The following SRRM4 variants were observed in gnomAD, a reference collection of about 807,000 sequenced individuals.
SRRM4 encodes serine/arginine repetitive matrix 4.
A neutral mutation model predicts 68.9 loss-of-function variants in SRRM4; 33 were observed. The ratio of observed to expected loss-of-function variants is 0.48; its 90% CI spans 0.36 to 0.64. SRRM4 has a LOEUF of 0.64. Among genes scored for constraint, SRRM4 ranks in the 30% least tolerant of loss-of-function variants. The probability of loss-of-function intolerance (pLI) is 0.00; values close to 1 mark genes in which losing one functional copy is unlikely to be tolerated. For synonymous variants in SRRM4, 318 were observed against 318.8 expected (o/e 1.00, Z 0.03); for missense variants, 817 against 827.1 (o/e 0.99, Z 0.15).
At chr12:119,003,597 A>G (rs1953398926) in intron 1 of SRRM4, among the ~76,000 whole-genome samples, 1 of 151,946 alleles carries the variant, frequency 6.6e-6, no homozygotes, top group Non-Finnish European at 1.5e-5. Flanking sequence ...AGAGATAACT[A>G]CACATGGCTA....
chr12:118,985,716 T>C (rs1447875802), intron 1 of SRRM4, among the ~76,000 whole-genome samples: 2 of 152,226 alleles, frequency 1.3e-5, no homozygotes, highest in Non-Finnish European at 2.9e-5. Context: ...TTAATTCTCT[T>C]TTTTAATTGC....
chr12:119,069,292 C>G (rs920965419), intron 1 of SRRM4, among the ~76,000 whole-genome samples: 1 of 152,152 alleles, frequency 6.6e-6, no homozygotes, highest in African/African-American at 2.4e-5. Context: ...GGAGTCCACC[C>G]CTCCTTCACG....
At chr12:118,985,905 A>T (rs1048508661) in intron 1 of SRRM4, among the ~76,000 whole-genome samples, 1 of 152,230 alleles carries the variant, frequency 6.6e-6, no homozygotes, top group African/African-American at 2.4e-5. Flanking sequence ...TGGATGCATG[A>T]GTGTTAGTAA....
chr12:119,021,713 G>A (rs986586659), intron 1 of SRRM4, among the ~76,000 whole-genome samples: 1 of 152,188 alleles, frequency 6.6e-6, no homozygotes, highest in Non-Finnish European at 1.5e-5. Context: ...TGCTTGCTGA[G>A]GATGAGGCTT....
At chr12:119,044,112 A>ACC (rs1565896204) in intron 1 of SRRM4, among the ~76,000 whole-genome samples, 1 of 152,042 alleles carries the variant, frequency 6.6e-6, no homozygotes, top group East Asian at 1.9e-4. Context: ...GGTAATCCAC[A>ACC]CGCCTCGGCC....
chr12:119,096,169 C>T (rs1404012809), intron 1 of SRRM4, among the ~76,000 whole-genome samples: 2 of 148,574 alleles, frequency 1.3e-5, no homozygotes, highest in African/African-American at 2.5e-5. Flanking sequence ...TACAGGTGCC[C>T]GCCACCACGC....
In SRRM4 at chr12:119,057,162, GA is replaced by G. The variant is rs1233861803; in HGVS notation, c.132-45071del. ...TTCTTTCTTTTTTAAATTAGGTGAAGAAAGAAATAGTTGGGTTTTTTTCTTC... is the reference window on the plus strand; with the variant it reads ...TTCTTTCTTTTTTAAATTAGGTGAAGAAGAAATAGTTGGGTTTTTTTCTTC... On this transcript the variant is annotated intron_variant, in intron 1 of 12. Coordinates refer to ENST00000267260, the MANE Select transcript of SRRM4 (RefSeq NM_194286.4). Among the ~76,000 whole-genome samples, 7 of 152,264 alleles carry G rather than the reference GA, an allele frequency of 4.6e-5. No homozygotes were observed. In the South Asian group the frequency reaches 1.5e-3, roughly 32 times the overall value.
intron 2 of SRRM4, among the ~76,000 whole-genome samples, chr12:119,113,820 A>C (rs913594227): frequency 6.6e-6 from 1 of 152,180 alleles, no homozygotes; most frequent in Non-Finnish European, 1.5e-5. Flanking sequence ...ATCTCGTTAC[A>C]TTAGACCTTG....
chr12:119,097,907 A>G (rs1023431622), intron 1 of SRRM4, among the ~76,000 whole-genome samples: 1 of 152,222 alleles, frequency 6.6e-6, no homozygotes, highest in Admixed American at 6.5e-5. Flanking sequence ...TCAATGCTAA[A>G]TTCCTCACAG....
chr12:119,138,493 C>A lies in SRRM4; in HGVS notation c.772-6888C>A, dbSNP rs564442237. 5.3e-4 allele frequency among the ~76,000 whole-genome samples: 80 copies of A among 152,276 alleles called. 1 individual carries two copies. The highest frequency in any genetic ancestry group is 1.9e-3 in the African/African-American group (80 of 41,532). On this transcript the variant is annotated intron_variant, in intron 8 of 12. Transcript: ENST00000267260. The stretch of plus-strand genomic sequence containing the variant: ...GTCTGGACATACTAGAGAATTGATG[C>A]TCCAGTGTTCAGCCTTGAGTGATGG...
chr12:119,162,379 A>T lies in SRRM4; in HGVS notation c.*5581A>T, dbSNP rs762720355. 5.9e-5 allele frequency: 9 copies of T among 152,212 alleles called. No individual in the cohort carries two copies. Among genetic ancestry groups the T allele is most frequent in the Admixed American group, 2.0e-4 (3 of 15,280 alleles). 9.4% of individuals were successfully genotyped at this position (152,212 alleles called of 1,614,324 possible). A position where few individuals can be genotyped will look rare whatever the true frequency, so the allele number is the denominator to read the frequency against. On this transcript the variant is annotated 3_prime_UTR_variant, in exon 13 of 13. Coordinates refer to ENST00000267260, the MANE Select transcript of SRRM4 (RefSeq NM_194286.4). ...TCTCTAAGCCCCGTGGTCCAAAGTC[A>T]TCACGGGAGAGACCAAGATGGGCTT...
chr12:119,130,940 AC>A, intron 8 of SRRM4, 106 bp downstream of exon 8: 1 of 1,180,506 alleles, frequency 8.5e-7, no homozygotes, highest in Non-Finnish European at 1.1e-6. Flanking sequence ...TCAATTTCTG[AC>A]AAAATATCCC....
chr12:119,104,868 A>G (rs139931122), intron 2 of SRRM4, among the ~76,000 whole-genome samples: 3 of 151,082 alleles, frequency 2.0e-5, no homozygotes, highest in African/African-American at 4.9e-5. Flanking sequence ...TGTGCACATC[A>G]TGCAGGTTTG....
chr12:119,096,729 A>G (rs565706165), intron 1 of SRRM4, among the ~76,000 whole-genome samples: 4 of 152,278 alleles, frequency 2.6e-5, no homozygotes, highest in African/African-American at 9.6e-5. Flanking sequence ...TTGGTCTCTG[A>G]TTCCCCAAAC....
chr12:119,142,992 C>A (rs1262796100), intron 8 of SRRM4, among the ~76,000 whole-genome samples: 1 of 152,216 alleles, frequency 6.6e-6, no homozygotes, highest in East Asian at 1.9e-4. Context: ...AAAACTCCAC[C>A]AGAGCAACCT....
At position 119,156,659 on chromosome 12, in the gene SRRM4, C is replaced by T. The variant is rs199585212; in HGVS notation, c.1697C>T (p.Thr566Met). 2.4e-4 allele frequency: 381 copies of T among 1,574,622 alleles called. 2 individuals carry two copies. In the East Asian group the frequency reaches 8.9e-3, roughly 37 times the overall value. Residue 566 changes from threonine to methionine, a missense_variant, in exon 13 of 13, where the codon ACG (threonine) becomes ATG (methionine). Thr to Met is a moderately conservative substitution (Grantham distance 81). Coordinates refer to ENST00000267260, the MANE Select transcript of SRRM4 (RefSeq NM_194286.4). ...SRSRRRSRTRTSSSSSSRSPS... is the reference protein window; with the variant it reads ...SRSRRRSRTRMSSSSSSRSPS... ...AGCCGGAGACGGAGCCGGACCCGCA[C>T]GAGCAGCAGCTCTAGCTCCCGCAGC...
intron 1 of SRRM4, among the ~76,000 whole-genome samples, chr12:119,047,797 A>G (rs1160823385): frequency 6.6e-6 from 1 of 151,964 alleles, no homozygotes; most frequent in Admixed American, 6.6e-5. Context: ...TTCTTTCCCT[A>G]CTCCATTGGC....
At chr12:119,044,360 C>T (rs571886977) in intron 1 of SRRM4, among the ~76,000 whole-genome samples, 3 of 152,260 alleles carry the variant, frequency 2.0e-5, no homozygotes, top group South Asian at 2.1e-4. Context: ...ATGTGGAGGG[C>T]GGGCTTGGGC....
intron 1 of SRRM4, among the ~76,000 whole-genome samples, chr12:119,050,147 A>G (rs1374926349): frequency 1.3e-5 from 2 of 152,208 alleles, no homozygotes; most frequent in Admixed American, 6.5e-5. Flanking sequence ...CGGTGACAGC[A>G]ACCCTCTCCC....
Sources: gnomAD v4.1 joint callset for allele counts (sites outside exome capture counted in the v4.1 genomes callset) on GRCh38, gnomAD v4.1.1 for gene constraint, MANE v1.5 for transcripts, NCBI Gene and HGNC (gene_info 2026-07-23, HGNC 2026-07-21) for gene names.